Variants in MTIF3 observed in about 807,000 individuals in gnomAD.
The protein encoded by MTIF3 is translation initiation factor IF-3, mitochondrial.
Under a neutral mutation model 20.7 loss-of-function variants are expected in MTIF3, and 13 were observed. That is an observed-to-expected ratio of 0.63 (90% CI 0.41 to 1.00). The LOEUF (loss-of-function observed/expected upper bound fraction) is 1.00. MTIF3 is among the 50% of genes least tolerant of loss of function. The probability of loss-of-function intolerance (pLI) is 0.00; values close to 1 mark genes in which losing one functional copy is unlikely to be tolerated. For missense variants in MTIF3, 295 were observed against 324.5 expected (o/e 0.91, Z 0.70); for synonymous variants, 114 against 112.5 (o/e 1.01, Z -0.08).
Position 27,440,459 on chromosome 13 carries a change from TA to T in MTIF3, c.-1-11del. 6.4e-7 allele frequency: 1 copy of T among 1,567,818 alleles called. No homozygotes were observed. Among genetic ancestry groups the T allele is most frequent in the Non-Finnish European group, 8.7e-7 (1 of 1,153,592 alleles). On this transcript the variant is annotated splice_polypyrimidine_tract_variant and intron_variant, in intron 2 of 4. Transcript: ENST00000381120. ...AAAAAGAGCAGCCATCCTAAGAAAG[TA>T]GTAAGAAGAGTTCATTAAAATTCAA...
At chr13:27,442,738 T>C (rs1300978006) in intron 2 of MTIF3, among the ~76,000 whole-genome samples, 1 of 152,128 alleles carries the variant, frequency 6.6e-6, no homozygotes, top group African/African-American at 2.4e-5. Flanking sequence ...GCTCAAACGC[T>C]ACCTACTCAG....
Position 27,437,290 on chromosome 13 carries a change from A to C in MTIF3, c.461-17T>G. Reference sequence around the variant, plus strand: ...GGGTTGGTCCTGGTTTGAAACAGATAGGGTGCAAGGACTACTGACTAGTCC... The same window carrying C: ...GGGTTGGTCCTGGTTTGAAACAGATCGGGTGCAAGGACTACTGACTAGTCC... On this transcript the variant is annotated splice_polypyrimidine_tract_variant and intron_variant, in intron 3 of 4. Transcript: ENST00000381120. The C allele has an allele frequency of 6.2e-7, 1 of 1,611,742 alleles. No homozygotes were observed. Among genetic ancestry groups the C allele is most frequent in the Non-Finnish European group, 8.5e-7 (1 of 1,179,344 alleles).
chr13:27,436,220 G>A (rs1465174630), intron 4 of MTIF3, among the ~76,000 whole-genome samples: 1 of 152,130 alleles, frequency 6.6e-6, no homozygotes, highest in East Asian at 1.9e-4. Flanking sequence ...TCATCCCCAA[G>A]GTGTCAGCCG....
intron 1 of MTIF3, among the ~76,000 whole-genome samples, chr13:27,446,615 A>G (rs2138180480): frequency 6.6e-6 from 1 of 152,354 alleles, no homozygotes; most frequent in African/African-American, 2.4e-5. Flanking sequence ...TAGTCTGTGT[A>G]AGTTCTAAAT....
intron 3 of MTIF3, among the ~76,000 whole-genome samples, chr13:27,438,495 T>G (rs937773439): frequency 1.4e-5 from 2 of 145,410 alleles, no homozygotes; most frequent in Non-Finnish European, 1.5e-5. Flanking sequence ...TTTTTTTTTT[T>G]TTTTTTTTTT....
intron 2 of MTIF3, among the ~76,000 whole-genome samples, chr13:27,444,139 TA>T (rs1326416155): frequency 1.3e-5 from 2 of 151,970 alleles, no homozygotes; most frequent in East Asian, 1.9e-4. Context: ...CTGTCTCTAC[TA>T]AAAAATAAAA....
intron 2 of MTIF3, among the ~76,000 whole-genome samples, chr13:27,441,844 G>A (rs1273976428): frequency 6.6e-6 from 1 of 152,160 alleles, no homozygotes; most frequent in Non-Finnish European, 1.5e-5. Context: ...TTTAAAACTG[G>A]AAGTTCCCTC....
Position 27,440,195 on chromosome 13 carries a change from C to G in MTIF3, c.254G>C (p.Arg85Pro). 1.2e-6 allele frequency: 2 copies of G among 1,614,202 alleles called. No individual in the cohort carries two copies. Among genetic ancestry groups the G allele is most frequent in the Non-Finnish European group, 1.7e-6 (2 of 1,180,048 alleles). The change falls in exon 3 of 5, where the codon CGA becomes CCA. Residue 85 changes from arginine (R) to proline (P), a missense_variant. By Grantham distance (103) the Arg-to-Pro change is moderately radical (BLOSUM62 -2). Transcript: ENST00000381120. Reference protein sequence around the residue: ...FSNVGRKISQRVIHLFDEKGN... With the variant: ...FSNVGRKISQPVIHLFDEKGN... ...CTTCTCATCAAATAAGTGAATAACT[C>G]GCTGACTAATTTTTCTTCCAACGTT...
At chr13:27,444,613 C>A (rs1555261181) in intron 2 of MTIF3, among the ~76,000 whole-genome samples, 1 of 152,106 alleles carries the variant, frequency 6.6e-6, no homozygotes, top group Non-Finnish European at 1.5e-5. Context: ...TATTAGGGAA[C>A]TTTTTAACCT....
chr13:27,444,193 C>T (rs993555071), intron 2 of MTIF3, among the ~76,000 whole-genome samples: 1 of 152,126 alleles, frequency 6.6e-6, no homozygotes, highest in Non-Finnish European at 1.5e-5. Context: ...GTAGTCCCGG[C>T]TACTCGGGAG....
chr13:27,450,050 T>C (rs975928342), intron 1 of MTIF3: 1 of 152,294 alleles, frequency 6.6e-6, no homozygotes, highest in African/African-American at 2.4e-5. Context: ...TTCGCCTGGC[T>C]CGCTCTGCCC....
At chr13:27,446,829 TG>T (rs1388625063) in intron 1 of MTIF3, among the ~76,000 whole-genome samples, 1 of 152,108 alleles carries the variant, frequency 6.6e-6, no homozygotes, top group East Asian at 1.9e-4. Flanking sequence ...TCATCATAAA[TG>T]GTGATGGGGG....
At chr13:27,450,014 G>C (rs1239489837) in intron 1 of MTIF3, 1 of 152,312 alleles carries the variant, frequency 6.6e-6, no homozygotes, top group African/African-American at 2.4e-5. Context: ...CAACGCATTT[G>C]TCCAGCATGT....
intron 1 of MTIF3, among the ~76,000 whole-genome samples, chr13:27,445,726 C>T (rs1410634348): frequency 6.6e-6 from 1 of 152,192 alleles, no homozygotes; most frequent in Non-Finnish European, 1.5e-5. Context: ...GTGCATGGCA[C>T]CTTCTATTAA....
chr13:27,444,182 T>C (rs1438762979), intron 2 of MTIF3, among the ~76,000 whole-genome samples: 1 of 152,090 alleles, frequency 6.6e-6, no homozygotes, highest in East Asian at 1.9e-4. Flanking sequence ...GGCGGGCGCC[T>C]GTAGTCCCGG....
In MTIF3 at chr13:27,445,124, G is replaced by A. The variant is rs1432575475; in HGVS notation, c.-38C>T. On this transcript the variant is annotated 5_prime_UTR_variant, in exon 2 of 5. Transcript: ENST00000381120. ...AGAACTGTAATCATCCCCAGTTGAT[G>A]AGGAGAAGCTCTTCTGTAGAGAAGA... 1 of 152,182 alleles carries A rather than the reference G, an allele frequency of 6.6e-6. No homozygotes were observed. Among genetic ancestry groups the A allele is most frequent in the Non-Finnish European group, 1.5e-5 (1 of 68,032 alleles). The allele number at this position is 152,182 out of a possible 1,614,324, so 9.4% of individuals were successfully genotyped here.
chr13:27,449,097 T>A (rs909033335), intron 1 of MTIF3, among the ~76,000 whole-genome samples: 1 of 152,184 alleles, frequency 6.6e-6, no homozygotes, highest in Non-Finnish European at 1.5e-5. Flanking sequence ...CCTATGTTAG[T>A]CTTCTTCCAG....
At chr13:27,443,832 C>T (rs1386088889) in intron 2 of MTIF3, among the ~76,000 whole-genome samples, 1 of 151,780 alleles carries the variant, frequency 6.6e-6, no homozygotes, top group Non-Finnish European at 1.5e-5. Context: ...AATTCATTCC[C>T]CTATTTTTCC....
intron 2 of MTIF3, chr13:27,441,333 A>G (rs1308647689): frequency 6.6e-6 from 1 of 152,248 alleles, no homozygotes; most frequent in Admixed American, 6.5e-5. Flanking sequence ...TTAACTGTTA[A>G]CAATTTTTCA....
Sources: allele counts gnomAD v4.1 joint callset (sites outside exome capture counted in the v4.1 genomes callset), GRCh38; gene constraint gnomAD v4.1.1; transcripts MANE v1.5; gene names NCBI Gene and HGNC (gene_info 2026-07-23, HGNC 2026-07-21).